The following PPFIA4 variants were observed in gnomAD, a reference collection of about 807,000 sequenced individuals.
The protein encoded by PPFIA4 is PPFI scaffold protein A4.
PPFIA4 carries 98 observed loss-of-function variants against 145.7 expected under a neutral mutation model. The ratio of observed to expected loss-of-function variants is 0.67; its 90% CI spans 0.57 to 0.80. PPFIA4 has a LOEUF of 0.80. Ranked by LOEUF, PPFIA4 falls within the 30% of genes least tolerant of loss-of-function variation. The pLI is 0.00. For missense variants in PPFIA4, 1,457 were observed against 1,632.7 expected, an observed-to-expected ratio of 0.89 and a Z score of 1.85; for synonymous variants, 628 against 649.6, an observed-to-expected ratio of 0.97 and a Z score of 0.51.
chr1:203,049,263 A>C (rs1417386401), intron 12 of PPFIA4, among the ~76,000 whole-genome samples: 3 of 152,184 alleles, frequency 2.0e-5, no homozygotes, highest in Non-Finnish European at 4.4e-5. Flanking sequence ...AGGGAGCTTC[A>C]AACCCTGGTG....
At chr1:203,042,866 T>C (rs1054832468) in intron 2 of PPFIA4, among the ~76,000 whole-genome samples, 2 of 152,200 alleles carry the variant, frequency 1.3e-5, no homozygotes, top group Admixed American at 6.5e-5. Flanking sequence ...CTCAAACTCC[T>C]GACCTCAGGT....
At chr1:203,050,604 C>T (rs1660435415) in intron 13 of PPFIA4, among the ~76,000 whole-genome samples, 1 of 152,060 alleles carries the variant, frequency 6.6e-6, no homozygotes, top group South Asian at 2.1e-4. Flanking sequence ...TGGAAATATC[C>T]ATATAGATAT....
intron 2 of PPFIA4, among the ~76,000 whole-genome samples, chr1:203,040,030 C>A (rs185551716): frequency 1.7e-4 from 26 of 152,350 alleles, no homozygotes; most frequent in African/African-American, 6.0e-4. Context: ...GCCTGCTTAT[C>A]ACCCACTTGG....
intron 1 of PPFIA4, chr1:203,035,184 TG>T: frequency 2.4e-6 from 1 of 413,148 alleles, no homozygotes; most frequent in Non-Finnish European, 4.9e-6. Context: ...CCCTCGTGGC[TG>T]CCACCTGGAG....
In PPFIA4 at chr1:203,048,335, A is replaced by T. The variant is rs1001120827; in HGVS notation, c.1224+25A>T. ...GGTGAGGGCACCAGGCCGGGCCCTC[A>T]GGCCCCCTCCTTCCCGCAGGACAGG... On this transcript the variant is annotated intron_variant, in intron 10 of 29. Transcript: ENST00000295706. The surrounding 1 kb of genome is among the most constrained non-coding windows in gnomAD (Gnocchi z 5.8). 2 of 1,606,722 alleles carry T rather than the reference A, an allele frequency of 1.2e-6. No homozygotes were observed. The highest frequency in any genetic ancestry group is 1.7e-6 in the Non-Finnish European group (2 of 1,176,756).
Position 203,076,801 on chromosome 1 carries a change from G to A in PPFIA4, c.*411G>A, listed in dbSNP as rs572104616. The A allele has an allele frequency of 3.4e-5, 8 of 233,372 alleles. No individual in the cohort carries two copies. Among genetic ancestry groups the A allele is most frequent in the Admixed American group, 1.0e-4 (2 of 19,388 alleles). 14.5% of individuals were successfully genotyped at this position (233,372 alleles called of 1,614,324 possible). On this transcript the variant is annotated 3_prime_UTR_variant, in exon 30 of 30. Coordinates refer to ENST00000295706, the MANE Select transcript of PPFIA4 (RefSeq NM_001304331.2). ...CTTCCAAGAAAGGGTCATTTCAGAC[G>A]CAGCCCTGCTTGGGCTATTCAATCT... is the stretch of plus-strand genomic sequence containing the variant.
rs1553257577 is a variant in PPFIA4, at chr1:203,054,701, CAT to C, written c.1830-729_1830-728del. On this transcript the variant is annotated intron_variant, in intron 15 of 29. Transcript: ENST00000295706. ...ACACACACACACACACACACACACA[CAT>C]ACACACACAGAGAGAGAGAGAGAAA... Among the ~76,000 whole-genome samples the C allele has an allele frequency of 8.6e-3, 1,271 of 147,876 alleles. 51 individuals are homozygous for C. The highest frequency in any genetic ancestry group is 0.063 in the Admixed American group (939 of 14,922).
rs759319360 is a variant in PPFIA4 at position 203,039,231 on chromosome 1, G to A, written c.223G>A (p.Ala75Thr). ...RDQLQRHLNS[A>T]LPQEFATLTR... is the part of the protein sequence containing the mutation. The stretch of plus-strand genomic sequence containing the variant: ...CCAGCTCCAGCGCCACCTTAACTCC[G>A]CCCTCCCCCAGGTAAGGCCCGAAGG... The change falls in exon 2 of 30, where the codon GCC becomes ACC. Residue 75 changes from alanine to threonine, a missense_variant. This residue lies in a region of PPFIA4 where 463 missense variants were observed against 459.8 expected (regional missense o/e 1.01). Transcript: ENST00000295706. 8.8e-6 allele frequency: 14 copies of A among 1,587,358 alleles called. No individual in the cohort carries two copies. In the East Asian group the frequency reaches 1.4e-4, roughly 16 times the overall value.
rs1661831513 is a variant in PPFIA4 at position 203,067,720 on chromosome 1, T to C, written c.3076T>C (p.Cys1026Arg). The C allele has an allele frequency of 6.2e-7, 1 of 1,613,754 alleles. No individual in the cohort carries two copies. The highest frequency in any genetic ancestry group is 8.5e-7 in the Non-Finnish European group (1 of 1,179,858). The change falls in exon 26 of 30, where the codon TGT (cysteine) becomes CGT (arginine). Residue 1026 changes from cysteine (C) to arginine (R), a missense_variant. This residue lies in a region of PPFIA4 where 848 missense variants were observed against 1,046.7 expected (regional missense o/e 0.81). Coordinates refer to ENST00000295706, the MANE Select transcript of PPFIA4 (RefSeq NM_001304331.2). ...HRTSLQYGIM[C>R]LKRLNYDRKE... ...AACCAGTCTTCAGTATGGCATCATG[T>C]GTCTGAAGAGGCTGAATTATGACCG...
intron 27 of PPFIA4, 79 bp from the exon 28 acceptor site, chr1:203,071,613 G>C: frequency 2.5e-6 from 3 of 1,211,910 alleles, no homozygotes; most frequent in Non-Finnish European, 3.6e-6. Context: ...TTGGACCCTT[G>C]GAAAATGGTG....
chr1:203,042,999 G>A (rs751176138), intron 2 of PPFIA4, among the ~76,000 whole-genome samples: 3 of 152,176 alleles, frequency 2.0e-5, no homozygotes, highest in Non-Finnish European at 4.4e-5. Flanking sequence ...CAAACCAGAA[G>A]CAGAATTCCC....
chr1:203,071,765 G>C lies in PPFIA4; in HGVS notation c.3393+5G>C. 1 of 1,608,110 alleles carries C rather than the reference G, an allele frequency of 6.2e-7. No homozygotes were observed. The highest frequency in any genetic ancestry group is 8.5e-7 in the Non-Finnish European group (1 of 1,175,422). On this transcript the variant is annotated splice_donor_5th_base_variant and intron_variant, in intron 28 of 29. Transcript: ENST00000295706. ...ACAGACCGGAAGCTGGATGACGTGA[G>C]TACCTGGCCATGAATTAGGAGCCTT... is the stretch of plus-strand genomic sequence containing the variant.
At chr1:203,056,225 C>T in intron 17 of PPFIA4, 70 bp downstream of exon 17, 2 of 1,607,634 alleles carry the variant, frequency 1.2e-6, no homozygotes, top group South Asian at 1.1e-5. Context: ...TCAGCTTCCT[C>T]CCCCAGGGCC....
intron 6 of PPFIA4, among the ~76,000 whole-genome samples, 200 bp from the exon 7 acceptor site, chr1:203,045,168 A>G (rs757332107): frequency 1.1e-4 from 16 of 152,328 alleles, no homozygotes; most frequent in Admixed American, 6.5e-4. Context: ...GACAAAGGAT[A>G]GCAAGGTGTT....
At chr1:203,059,295 G>A (rs1458719584) in intron 20 of PPFIA4, 24 bp downstream of exon 20, 1 of 1,470,344 alleles carries the variant, frequency 6.8e-7, no homozygotes, top group Non-Finnish European at 9.3e-7. Flanking sequence ...GCCAGGGTCT[G>A]CCAGGGTGGG....
Position 203,051,921 on chromosome 1 carries a change from C to T in PPFIA4, c.1620+44C>T, listed in dbSNP as rs376101167. On this transcript the variant is annotated intron_variant, in intron 14 of 29. Transcript: ENST00000295706. ...CTCCTCAGGGAGTTTGGGGTCAATTCGGCCGCGTGCCTGGCTCCAGTTACG... is the reference window on the plus strand; with the variant it reads ...CTCCTCAGGGAGTTTGGGGTCAATTTGGCCGCGTGCCTGGCTCCAGTTACG... The T allele has an allele frequency of 1.0e-4, 162 of 1,588,772 alleles. No homozygotes were observed. In the African/African-American group the frequency reaches 1.4e-3, roughly 14 times the overall value.
At chr1:203,071,294 C>T (rs1662139674) in intron 27 of PPFIA4, among the ~76,000 whole-genome samples, 2 of 151,562 alleles carry the variant, frequency 1.3e-5, no homozygotes, top group South Asian at 2.1e-4. Context: ...CTCAGCCTCC[C>T]GAGTAGCTGG....
chr1:203,078,284 C>T lies in PPFIA4; in HGVS notation c.*1894C>T, dbSNP rs1362398202. 1.3e-5 allele frequency: 2 copies of T among 152,242 alleles called. No homozygotes were observed. The highest frequency in any genetic ancestry group is 2.9e-5 in the Non-Finnish European group (2 of 68,064). 9.4% of individuals were successfully genotyped at this position (152,242 alleles called of 1,614,324 possible). ...ATGGATGGTAAGATGATGGAGATTC[C>T]TAAGATTGGTGGAGTTGGGCAATGC... is the stretch of plus-strand genomic sequence containing the variant. On this transcript the variant is annotated 3_prime_UTR_variant, in exon 30 of 30. Transcript: ENST00000295706.
rs754534193 is a variant in PPFIA4 at position 203,048,222 on chromosome 1, C to T, written c.1141-5C>T. 13 of 1,612,520 alleles carry T rather than the reference C, an allele frequency of 8.1e-6. No individual in the cohort carries two copies. The highest frequency in any genetic ancestry group is 1.3e-5 in the African/African-American group (1 of 74,898). ...CGGGCTGCACCGACCCATCCCTGCCCCTAGGCTGAAGAACGGCATGGCAAC... is the reference window on the plus strand; with the variant it reads ...CGGGCTGCACCGACCCATCCCTGCCTCTAGGCTGAAGAACGGCATGGCAAC... On this transcript the variant is annotated splice_polypyrimidine_tract_variant and splice_region_variant and intron_variant, in intron 9 of 29. Coordinates refer to ENST00000295706, the MANE Select transcript of PPFIA4 (RefSeq NM_001304331.2). This position sits in a 1 kb window ranked among gnomAD's most constrained non-coding sequence, Gnocchi z 5.8.
Sources: gnomAD v4.1 joint callset for allele counts (sites outside exome capture counted in the v4.1 genomes callset) on GRCh38, gnomAD v4.1.1 for gene constraint, gnomAD v4.1.1 regional missense constraint, Gnocchi (gnomAD v3.1) non-coding constraint, MANE v1.5 for transcripts, NCBI Gene and HGNC (gene_info 2026-07-23, HGNC 2026-07-21) for gene names.